The following SLC28A1 variants were observed in gnomAD, a reference collection of about 807,000 sequenced individuals.
The protein encoded by SLC28A1 is sodium/nucleoside cotransporter 1.
In SLC28A1, 64 loss-of-function variants were observed where a neutral mutation model predicts 74.8. That is an observed-to-expected ratio of 0.86 (90% CI 0.70 to 1.05). The LOEUF is 1.05. Ranked by LOEUF, SLC28A1 falls within the 50% of genes least tolerant of loss-of-function variation. The pLI, the probability that SLC28A1 is intolerant of heterozygous loss-of-function variation, is 0.00. For synonymous variants in SLC28A1, 359 were observed against 335.0 expected, an observed-to-expected ratio of 1.07 and a Z score of -0.78; for missense variants, 828 against 822.8, an observed-to-expected ratio of 1.01 and a Z score of -0.08.
intron 12 of SLC28A1, among the ~76,000 whole-genome samples, chr15:84,926,809 G>GGGT (rs1970575366): frequency 7.1e-6 from 1 of 140,898 alleles, no homozygotes; most frequent in South Asian, 2.5e-4. Flanking sequence ...GGGAGGGGGG[G>GGGT]GGTGGTGGTA....
the SLC28A1 span, among the ~76,000 whole-genome samples, chr15:84,960,228 C>CTTTTTTTTTTTTTTTTTTT: frequency 3.5e-5 from 3 of 85,572 alleles, no homozygotes; most frequent in South Asian, 3.7e-4. Flanking sequence ...TGCCTGCCTG[C>CTTTTTTTTTTTTTTTTTTT]TTTTTTTTTT....
At chr15:84,886,000 A>C (rs1964559049) in intron 1 of SLC28A1, 3 of 314,788 alleles carry the variant, frequency 9.5e-6, no homozygotes, top group African/African-American at 6.7e-5. Context: ...TGCATCATAG[A>C]GGATTTTGTC....
the SLC28A1 span, among the ~76,000 whole-genome samples, chr15:84,955,476 G>T: frequency 2.6e-5 from 4 of 152,178 alleles, no homozygotes; most frequent in Admixed American, 6.5e-5. Context: ...CAATACAGAA[G>T]CTCTTGGAAC....
intron 12 of SLC28A1, among the ~76,000 whole-genome samples, chr15:84,930,766 A>G (rs11857765): frequency 0.5 from 75,080 of 149,328 alleles, 19,830 homozygotes; most frequent in East Asian, 0.93. Flanking sequence ...CCACCACACC[A>G]GGCTAATTTT....
the SLC28A1 span, among the ~76,000 whole-genome samples, chr15:84,970,872 A>C: frequency 2.6e-5 from 4 of 152,106 alleles, no homozygotes; most frequent in Non-Finnish European, 5.9e-5. Context: ...CAAAACAAAA[A>C]AATATAAAAT....
intron 8 of SLC28A1, 119 bp from the exon 9 acceptor site, chr15:84,908,599 A>C: frequency 1.0e-5 from 8 of 776,940 alleles, no homozygotes; most frequent in Non-Finnish European, 1.8e-5. Context: ...CCCCCCCCGG[A>C]TAAGGGCCTG....
At chr15:84,937,117 G>A (rs143774513) in intron 15 of SLC28A1, among the ~76,000 whole-genome samples, 46 of 150,590 alleles carry the variant, frequency 3.1e-4, no homozygotes, top group African/African-American at 1.1e-3. Context: ...GCCAAACCGT[G>A]CTGTAGCCAT....
At chr15:84,890,127 G>GC (rs34106481) in intron 4 of SLC28A1, among the ~76,000 whole-genome samples, 19 of 151,960 alleles carry the variant, frequency 1.3e-4, no homozygotes, top group African/African-American at 4.4e-4. Context: ...GAGCCACCGC[G>GC]CCCCCCCACC....
intron 9 of SLC28A1, among the ~76,000 whole-genome samples, chr15:84,918,162 C>T (rs868661029): frequency 2.9e-4 from 44 of 152,190 alleles, no homozygotes; most frequent in Admixed American, 2.0e-3. Flanking sequence ...ACCTTCACAA[C>T]GACCCTCAGA....
At position 84,905,626 on chromosome 15, in the gene SLC28A1, T is replaced by C; in HGVS notation, c.691T>C (p.Phe231Leu). ...VIRTEPGFIAFEWLGEQIRIF... is the reference protein window; with the variant it reads ...VIRTEPGFIALEWLGEQIRIF... ...CAGAACAGAACCAGGATTCATTGCG[T>C]TCGAGTGGCTGGGCGAGCAGATCCG... is the stretch of plus-strand genomic sequence containing the variant. Residue 231 changes from phenylalanine (F) to leucine (L), a missense_variant, in exon 8 of 19, where the codon TTC (phenylalanine) becomes CTC (leucine). Around this residue, in one of 3 missense-constraint regions of SLC28A1, gnomAD observed 767 missense variants for 753.5 expected, o/e 1.02. Coordinates refer to ENST00000394573, the MANE Select transcript of SLC28A1 (RefSeq NM_004213.5). The C allele has an allele frequency of 6.2e-7, 1 of 1,613,944 alleles. No individual in the cohort carries two copies. The highest frequency in any genetic ancestry group is 8.5e-7 in the Non-Finnish European group (1 of 1,179,836).
At chr15:84,930,368 G>T (rs2141983888) in intron 12 of SLC28A1, among the ~76,000 whole-genome samples, 1 of 152,374 alleles carries the variant, frequency 6.6e-6, no homozygotes, top group Non-Finnish European at 1.5e-5. Context: ...GCAAGGGGCA[G>T]GGGCCCAGGC....
chr15:84,903,757 G>A (rs1040864953), intron 6 of SLC28A1, among the ~76,000 whole-genome samples: 1 of 152,188 alleles, frequency 6.6e-6, no homozygotes, highest in Non-Finnish European at 1.5e-5. Flanking sequence ...TGAGATTCCT[G>A]TAGCTGGATG....
At chr15:84,968,725 G>C in the SLC28A1 span, among the ~76,000 whole-genome samples, 1 of 152,250 alleles carries the variant, frequency 6.6e-6, no homozygotes, top group East Asian at 1.9e-4. Context: ...TCTTGAGAAC[G>C]ATCTGTTGCC....
chr15:84,918,660 T>G, intron 10 of SLC28A1, 56 bp downstream of exon 10: 10 of 1,344,834 alleles, frequency 7.4e-6, no homozygotes, highest in Non-Finnish European at 1.1e-5. Flanking sequence ...CTCACAGGGT[T>G]CACACTGTCC....
At chr15:84,895,738 A>G in intron 6 of SLC28A1, 1 of 1,248,348 alleles carries the variant, frequency 8.0e-7, no homozygotes, top group African/African-American at 1.8e-5. Context: ...AGGTTCACAC[A>G]AAAAAGAAAA....
At chr15:84,919,366 C>T (rs1429397301) in intron 10 of SLC28A1, among the ~76,000 whole-genome samples, 2 of 152,218 alleles carry the variant, frequency 1.3e-5, no homozygotes, top group African/African-American at 4.8e-5. Context: ...CATCAGATGG[C>T]TTCCAGAAAT....
intron 2 of SLC28A1, 44 bp from the exon 3 acceptor site, chr15:84,887,701 C>T (rs926474986): frequency 1.1e-4 from 169 of 1,594,976 alleles, no homozygotes; most frequent in East Asian, 3.8e-4. Flanking sequence ...GGGCCCTGCC[C>T]GGCCTCCCTT....
chr15:84,917,694 T>C (rs1240159010), intron 9 of SLC28A1, among the ~76,000 whole-genome samples: 1 of 152,206 alleles, frequency 6.6e-6, no homozygotes, highest in African/African-American at 2.4e-5. Flanking sequence ...ATAGAGAGCT[T>C]CTGCATTCTT....
chr15:84,929,135 T>C (rs1469854775), intron 12 of SLC28A1, among the ~76,000 whole-genome samples: 2 of 152,260 alleles, frequency 1.3e-5, no homozygotes, highest in Non-Finnish European at 2.9e-5. Flanking sequence ...TTTTATTTTG[T>C]CATCCATATT....
Sources: allele counts gnomAD v4.1 joint callset (sites outside exome capture counted in the v4.1 genomes callset), GRCh38; gene constraint gnomAD v4.1.1; regional missense constraint gnomAD v4.1.1; transcripts MANE v1.5; gene names NCBI Gene and HGNC (gene_info 2026-07-23, HGNC 2026-07-21).